The following STX8 variants were observed in gnomAD, a reference collection of about 807,000 sequenced individuals.
STX8 encodes the protein syntaxin-8.
A neutral mutation model predicts 37.5 loss-of-function variants in STX8; 23 were observed. The ratio of observed to expected loss-of-function variants is 0.61; its 90% CI spans 0.44 to 0.87. STX8 has a LOEUF of 0.87. Among genes scored for constraint, STX8 ranks in the 40% least tolerant of loss-of-function variants. The pLI is 0.00. For missense variants in STX8, 313 were observed against 284.7 expected (o/e 1.10, Z -0.71); for synonymous variants, 115 against 99.1 (o/e 1.16, Z -0.95).
chr17:9,445,494 G>C (rs60987385), intron 6 of STX8, among the ~76,000 whole-genome samples: 55,747 of 116,650 alleles, frequency 0.48, 13,874 homozygotes, highest in East Asian at 0.61. Flanking sequence ...GGCCGGGGAG[G>C]GGGGGATGGT....
chr17:9,299,323 C>T (rs1908679677), intron 7 of STX8, among the ~76,000 whole-genome samples: 1 of 152,072 alleles, frequency 6.6e-6, no homozygotes, highest in Non-Finnish European at 1.5e-5. Context: ...AATGCTGAGC[C>T]TTACTGTGTC....
chr17:9,553,638 A>C (rs1906850505), intron 3 of STX8: 1 of 152,246 alleles, frequency 6.6e-6, no homozygotes, highest in Non-Finnish European at 1.5e-5. Context: ...TTTATGAACA[A>C]ACATTTTTCT....
intron 7 of STX8, among the ~76,000 whole-genome samples, chr17:9,331,325 C>A (rs956451233): frequency 1.3e-5 from 2 of 151,992 alleles, no homozygotes; most frequent in Non-Finnish European, 2.9e-5. Context: ...CCCTCCCCTC[C>A]CCCTCCACCC....
At chr17:9,400,066 T>C (rs1057491907) in intron 6 of STX8, among the ~76,000 whole-genome samples, 7 of 150,928 alleles carry the variant, frequency 4.6e-5, no homozygotes, top group Admixed American at 1.3e-4. Context: ...GGCTTCTGCA[T>C]AGGCAGTGGA....
chr17:9,310,153 A>G (rs531101227), intron 7 of STX8, among the ~76,000 whole-genome samples: 1 of 144,594 alleles, frequency 6.9e-6, no homozygotes, highest in Admixed American at 6.6e-5. Flanking sequence ...AGGGGGAAAA[A>G]AAACAACATA....
intron 7 of STX8, among the ~76,000 whole-genome samples, chr17:9,293,106 G>A (rs1156823345): frequency 1.3e-5 from 2 of 152,102 alleles, no homozygotes; most frequent in Admixed American, 1.3e-4. Context: ...CAGCAGCCAG[G>A]GACCTCCATG....
chr17:9,327,176 A>AG (rs1909784713), intron 7 of STX8, among the ~76,000 whole-genome samples: 2 of 150,408 alleles, frequency 1.3e-5, no homozygotes, highest in African/African-American at 4.9e-5. Flanking sequence ...AAAAAGAAGA[A>AG]GAAGAAGGAA....
In STX8 at chr17:9,505,941, C is replaced by CA. The variant is rs11311287; in HGVS notation, c.324-780dup. Among the ~76,000 whole-genome samples, 320 of 101,536 alleles carry CA rather than the reference C, an allele frequency of 3.2e-3. 1 individual carries two copies. Among genetic ancestry groups the CA allele is most frequent in the African/African-American group, 8.9e-3 (240 of 26,900 alleles). 66.6% of individuals were successfully genotyped at this position (101,536 alleles called of 152,430 possible). ...TGGGTAGCGGAGCAAGACTCTGTCT[C>CA]AAAAAAAAAAAAAAAAAAAGGAGTA... On this transcript the variant is annotated intron_variant, in intron 4 of 7. Transcript: ENST00000306357.
chr17:9,413,817 G>A (rs927487434), intron 6 of STX8, among the ~76,000 whole-genome samples: 2 of 152,024 alleles, frequency 1.3e-5, no homozygotes, highest in African/African-American at 4.8e-5. Flanking sequence ...TACCTCAACG[G>A]AAAAAAACTT....
rs188859553 is a variant in STX8 at position 9,516,386 on chromosome 17, A to G, written c.324-11224T>C. Among the ~76,000 whole-genome samples, 411 of 145,782 alleles carry G rather than the reference A, an allele frequency of 2.8e-3. 3 individuals are homozygous for G. Among genetic ancestry groups the G allele is most frequent in the African/African-American group, 1.0e-2 (397 of 39,844 alleles). ...AAACACCTGTTAGAAAATAAAAGTG[A>G]CAATATGGGCACAATTTAATACTAA... On this transcript the variant is annotated intron_variant, in intron 4 of 7. Coordinates refer to ENST00000306357, the MANE Select transcript of STX8 (RefSeq NM_004853.3).
chr17:9,504,959 G>GCAAGA, intron 5 of STX8, 79 bp downstream of exon 5: 1 of 708,482 alleles, frequency 1.4e-6, no homozygotes, highest in Non-Finnish European at 2.0e-6. Context: ...AGGCGACATA[G>GCAAGA]CAAGACTCCG....
At chr17:9,346,856 G>A (rs565352671) in intron 7 of STX8, among the ~76,000 whole-genome samples, 13 of 151,642 alleles carry the variant, frequency 8.6e-5, no homozygotes, top group African/African-American at 3.1e-4. Context: ...TGCTGGGCAC[G>A]GTGGCTCCCA....
chr17:9,511,735 C>G (rs1324346438), intron 4 of STX8, among the ~76,000 whole-genome samples: 1 of 151,960 alleles, frequency 6.6e-6, no homozygotes, highest in Non-Finnish European at 1.5e-5. Context: ...AAGTCTTAGC[C>G]ATGGTAATCA....
chr17:9,307,829 TC>T (rs1367991611), intron 7 of STX8, among the ~76,000 whole-genome samples: 2 of 151,986 alleles, frequency 1.3e-5, no homozygotes, highest in African/African-American at 4.8e-5. Flanking sequence ...AAGCCAGAAT[TC>T]CTCTTCCCAG....
chr17:9,492,950 T>C (rs189139521), intron 5 of STX8, among the ~76,000 whole-genome samples: 8 of 152,154 alleles, frequency 5.3e-5, no homozygotes, highest in African/African-American at 1.7e-4. Context: ...AAAAAAAAAT[T>C]AGCTGGGCCT....
intron 7 of STX8, among the ~76,000 whole-genome samples, chr17:9,368,061 C>A (rs1911285649): frequency 6.6e-6 from 1 of 152,120 alleles, no homozygotes; most frequent in Admixed American, 6.5e-5. Context: ...ACAGTATTAT[C>A]ATAATCTTGT....
intron 6 of STX8, among the ~76,000 whole-genome samples, chr17:9,457,524 C>G (rs190174346): frequency 6.6e-6 from 1 of 152,350 alleles, no homozygotes; most frequent in East Asian, 1.9e-4. Context: ...CAAGGCCATA[C>G]CCTTCCTTAG....
At chr17:9,537,132 T>A (rs74381564) in intron 4 of STX8, among the ~76,000 whole-genome samples, 5,362 of 152,314 alleles carry the variant, frequency 0.035, 345 homozygotes, top group African/African-American at 0.12. Context: ...CTTCTGATTC[T>A]AATCGTTGCT....
intron 7 of STX8, among the ~76,000 whole-genome samples, chr17:9,276,399 T>C (rs1001365238): frequency 2.6e-5 from 4 of 152,060 alleles, no homozygotes; most frequent in Admixed American, 6.5e-5. Flanking sequence ...AGAACAAAAG[T>C]TTAATTAATA....
Sources: gnomAD v4.1 joint callset for allele counts (sites outside exome capture counted in the v4.1 genomes callset) on GRCh38, gnomAD v4.1.1 for gene constraint, MANE v1.5 for transcripts, NCBI Gene and HGNC (gene_info 2026-07-23, HGNC 2026-07-21) for gene names.